PARD3: variants seen among roughly 807,000 people sequenced by gnomAD.
PARD3 encodes par-3 family cell polarity regulator.
A neutral mutation model predicts 155.4 loss-of-function variants in PARD3; 75 were observed. The observed-to-expected ratio is 0.48, with a 90% confidence interval of 0.40 to 0.58. The LOEUF (loss-of-function observed/expected upper bound fraction) is 0.58, where lower values mean the gene tolerates loss of function less well. Ranked by LOEUF, PARD3 falls within the 20% of genes least tolerant of loss-of-function variation. The probability of loss-of-function intolerance (pLI) is 0.00; values close to 1 mark genes in which losing one functional copy is unlikely to be tolerated. For synonymous variants in PARD3, 576 were observed against 610.5 expected (o/e 0.94, Z 0.83); for missense variants, 1,642 against 1,721.7 (o/e 0.95, Z 0.82).
intron 24 of PARD3, among the ~76,000 whole-genome samples, chr10:34,116,586 G>GC (rs1946685241): frequency 6.6e-6 from 1 of 152,180 alleles, no homozygotes; most frequent in South Asian, 2.1e-4. Context: ...CAAGCCGAAC[G>GC]CAGGGTTCTA....
At chr10:34,323,273 CT>C (rs1489720614) in intron 19 of PARD3, among the ~76,000 whole-genome samples, 5 of 152,126 alleles carry the variant, frequency 3.3e-5, no homozygotes, top group Admixed American at 2.6e-4. Flanking sequence ...TGGACTCTGA[CT>C]TTTAACATTA....
chr10:34,804,430 G>C (rs1454713240), intron 1 of PARD3, among the ~76,000 whole-genome samples: 2 of 152,184 alleles, frequency 1.3e-5, no homozygotes, highest in African/African-American at 4.8e-5. Context: ...AATGAATTTA[G>C]TGATTAGTCA....
At chr10:34,581,520 CA>C (rs1447644977) in intron 2 of PARD3, among the ~76,000 whole-genome samples, 1 of 152,104 alleles carries the variant, frequency 6.6e-6, no homozygotes, top group Non-Finnish European at 1.5e-5. Context: ...AGGCGTGAGC[CA>C]CCGCGCCCGG....
At chr10:34,752,426 A>G (rs965795548) in intron 1 of PARD3, among the ~76,000 whole-genome samples, 7 of 152,150 alleles carry the variant, frequency 4.6e-5, no homozygotes, top group African/African-American at 1.7e-4. Flanking sequence ...ATTTGGCATT[A>G]TGCACTGACT....
chr10:34,349,823 A>G (rs992486951), intron 14 of PARD3, among the ~76,000 whole-genome samples: 1 of 152,206 alleles, frequency 6.6e-6, no homozygotes, highest in Non-Finnish European at 1.5e-5. Flanking sequence ...GCAATTTTCT[A>G]CATGATAAAA....
At position 34,346,200 on chromosome 10, in the gene PARD3, CA is replaced by C. The variant is rs1214153845; in HGVS notation, c.2218+1764del. 3.6e-6 allele frequency: 4 copies of C among 1,124,330 alleles called. No homozygotes were observed. In the African/African-American group the frequency reaches 6.6e-5, roughly 19 times the overall value. The allele number at this position is 1,124,330 out of a possible 1,614,324, so 69.6% of individuals were successfully genotyped here. A position where few individuals can be genotyped will look rare whatever the true frequency, so the allele number is the denominator to read the frequency against. Reference sequence around the variant, plus strand: ...AGAGGAAACAATGTCAACTATAATGCAAACCGAAGAGGACTAATGAAGCTGT... The same window carrying C: ...AGAGGAAACAATGTCAACTATAATGCAACCGAAGAGGACTAATGAAGCTGT... On this transcript the variant is annotated intron_variant, in intron 15 of 24. Coordinates refer to ENST00000374788, the MANE Select transcript of PARD3 (RefSeq NM_001184785.2).
intron 5 of PARD3, among the ~76,000 whole-genome samples, chr10:34,428,706 T>C (rs2075749734): frequency 6.6e-6 from 1 of 152,176 alleles, no homozygotes; most frequent in African/African-American, 2.4e-5. Flanking sequence ...GGAAGGATTA[T>C]AAAGCCAGTG....
intron 22 of PARD3, among the ~76,000 whole-genome samples, chr10:34,229,767 T>G (rs1050311832): frequency 6.6e-5 from 10 of 152,012 alleles, no homozygotes; most frequent in Admixed American, 5.2e-4. Flanking sequence ...TAATCAATTT[T>G]TGTTGTTTTT....
intron 5 of PARD3, among the ~76,000 whole-genome samples, chr10:34,448,166 C>CGTGTGTGT (rs1564725579): frequency 2.8e-4 from 34 of 122,678 alleles, no homozygotes; most frequent in African/African-American, 1.0e-3. Context: ...TGTGTGTGTA[C>CGTGTGTGT]ACATAAATGT....
chr10:34,199,499 C>T lies in PARD3; in HGVS notation c.3420-67916G>A, dbSNP rs1367754672. Among the ~76,000 whole-genome samples, 4 of 152,052 alleles carry T rather than the reference C, an allele frequency of 2.6e-5. No homozygotes were observed. The East Asian group carries it at 5.8e-4, about 22-fold the overall frequency. On this transcript the variant is annotated intron_variant, in intron 22 of 24. Transcript: ENST00000374788. ...CAGTGAAGGCAGAGCTCAGAGTTAA[C>T]GAGGTCATGGCCATGGTTTCATGAG...
intron 1 of PARD3, among the ~76,000 whole-genome samples, chr10:34,758,863 T>C (rs930712824): frequency 2.6e-5 from 4 of 152,150 alleles, no homozygotes; most frequent in African/African-American, 9.7e-5. Flanking sequence ...AATTCCCCCA[T>C]GGTATAAATT....
chr10:34,788,450 C>CTT (rs568326379), intron 1 of PARD3, among the ~76,000 whole-genome samples: 131 of 142,408 alleles, frequency 9.2e-4, no homozygotes, highest in Middle Eastern at 7.6e-3. Flanking sequence ...AGGTCCAGTT[C>CTT]TTTTTTTTTT....
chr10:34,229,616 C>T lies in PARD3; in HGVS notation c.3419+40041G>A, dbSNP rs556752380. 2.6e-5 allele frequency among the ~76,000 whole-genome samples: 4 copies of T among 151,902 alleles called. No homozygotes were observed. The East Asian group carries it at 7.7e-4, about 29-fold the overall frequency. ...ATGCCTCTTTAATACTATCATTTTGCTCTTGTTCATACGTCCCATCATAAT... is the reference window on the plus strand; with the variant it reads ...ATGCCTCTTTAATACTATCATTTTGTTCTTGTTCATACGTCCCATCATAAT... On this transcript the variant is annotated intron_variant, in intron 22 of 24. Coordinates refer to ENST00000374788, the MANE Select transcript of PARD3 (RefSeq NM_001184785.2).
chr10:34,315,539 C>A (rs1377603904), intron 20 of PARD3, among the ~76,000 whole-genome samples: 1 of 152,194 alleles, frequency 6.6e-6, no homozygotes, highest in Non-Finnish European at 1.5e-5. Flanking sequence ...GGGAAGGTTT[C>A]TCCCATCTCT....
intron 2 of PARD3, among the ~76,000 whole-genome samples, chr10:34,544,093 C>G (rs1210615624): frequency 2.0e-5 from 3 of 152,168 alleles, no homozygotes; most frequent in Non-Finnish European, 4.4e-5. Context: ...TTCTGCAGAT[C>G]TTTCACAGGG....
intron 3 of PARD3, among the ~76,000 whole-genome samples, chr10:34,488,190 T>C (rs1281062739): frequency 3.9e-5 from 6 of 152,258 alleles, no homozygotes. Context: ...CAACAATTAC[T>C]TCACAGCAGC....
At chr10:34,230,525 C>T (rs971902836) in intron 22 of PARD3, among the ~76,000 whole-genome samples, 2 of 152,168 alleles carry the variant, frequency 1.3e-5, no homozygotes, top group African/African-American at 4.8e-5. Flanking sequence ...CACTAGTCAC[C>T]TGACTATAGG....
intron 20 of PARD3, among the ~76,000 whole-genome samples, chr10:34,309,984 C>A (rs1039340141): frequency 2.7e-5 from 4 of 150,614 alleles, no homozygotes; most frequent in African/African-American, 7.3e-5. Context: ...TGATTTTAGT[C>A]TTTTGCTTCT....
At chr10:34,727,863 A>C (rs2094744986) in intron 1 of PARD3, among the ~76,000 whole-genome samples, 1 of 141,988 alleles carries the variant, frequency 7.0e-6, no homozygotes, top group Non-Finnish European at 1.5e-5. Flanking sequence ...ACAAGTATGC[A>C]ACCCCCTCCC....
Sources: allele counts gnomAD v4.1 joint callset (sites outside exome capture counted in the v4.1 genomes callset), GRCh38; gene constraint gnomAD v4.1.1; transcripts MANE v1.5; gene names NCBI Gene and HGNC (gene_info 2026-07-23, HGNC 2026-07-21).